The following NRL variants were observed in gnomAD, a reference collection of about 807,000 sequenced individuals.
NRL encodes neural retina leucine zipper, also known as neural retina-specific leucine zipper protein.
In NRL, 16 loss-of-function variants were observed where a neutral mutation model predicts 12.5. That is an observed-to-expected ratio of 1.28 (90% confidence interval 0.87 to 1.95). The LOEUF (loss-of-function observed/expected upper bound fraction) is 1.95. Ranked by LOEUF, NRL falls within the 30% of genes most tolerant of loss-of-function variation. NRL has a pLI of 0.00. For missense variants in NRL, 314 were observed against 325.8 expected (o/e 0.96, Z 0.28); for synonymous variants, 142 against 150.9 (o/e 0.94, Z 0.43).
Position 24,094,379 on chromosome 14 carries a change from C to A in NRL, c.-27-11504G>T. Reference sequence around the variant, plus strand: ...CTCCCCGGCTCCGCTCGGTTCCTGGCCACCCCGCAGCCCCTGCCCAGGTGC... The same window carrying A: ...CTCCCCGGCTCCGCTCGGTTCCTGGACACCCCGCAGCCCCTGCCCAGGTGC... On this transcript the variant is annotated intron_variant, in intron 1 of 2. Transcript: ENST00000561028. The surrounding 1 kb of genome is among the most constrained non-coding windows in gnomAD (Gnocchi z 4.1). The A allele has an allele frequency of 6.5e-7, 1 of 1,544,824 alleles. No homozygotes were observed.
At chr14:24,102,642 C>G in intron 1 of NRL, 1 of 882,542 alleles carries the variant, frequency 1.1e-6, no homozygotes, top group Non-Finnish European at 1.8e-6. Flanking sequence ...TTCTAGGCAG[C>G]TGATGAGGCA....
intron 2 of NRL, chr14:24,082,004 G>A: frequency 1.7e-6 from 2 of 1,202,456 alleles, no homozygotes; most frequent in Non-Finnish European, 2.1e-6. Context: ...CCTAATGCCC[G>A]CAACACCCCC....
chr14:24,098,595 T>C (rs2037008927), intron 1 of NRL: 1 of 1,614,100 alleles, frequency 6.2e-7, no homozygotes, highest in South Asian at 1.1e-5. Context: ...ATGACCCGAC[T>C]GGGGACACCT....
chr14:24,098,156 G>C, intron 1 of NRL: 1 of 1,538,846 alleles, frequency 6.5e-7, no homozygotes, highest in Non-Finnish European at 8.8e-7. Flanking sequence ...CTAGGGACAA[G>C]GGAAACCTGC....
In NRL at chr14:24,106,730, AT is replaced by A. The variant is rs202105055; in HGVS notation, c.-28+7991del. On this transcript the variant is annotated intron_variant, in intron 1 of 2. Coordinates refer to ENST00000561028, the MANE Select transcript of NRL (RefSeq NM_001354768.3). ...AGTGAGACTCTGTCTCAAAAAAAAA[AT>A]AAATAAATAAATAAATTTAAAAATT... Among the ~76,000 whole-genome samples, 413 of 138,054 alleles carry A rather than the reference AT, an allele frequency of 3.0e-3. 4 individuals are homozygous for A. The highest frequency in any genetic ancestry group is 0.011 in the African/African-American group (390 of 34,028). 90.6% of individuals were successfully genotyped at this position (138,054 alleles called of 152,430 possible).
At chr14:24,092,341 A>C (rs964650816) in intron 1 of NRL, among the ~76,000 whole-genome samples, 1 of 152,218 alleles carries the variant, frequency 6.6e-6, no homozygotes, top group African/African-American at 2.4e-5. Flanking sequence ...TGAGAAGTAC[A>C]ATTCCAAAGG....
chr14:24,108,241 T>C (rs2037368129), intron 1 of NRL, among the ~76,000 whole-genome samples: 1 of 152,222 alleles, frequency 6.6e-6, no homozygotes, highest in Non-Finnish European at 1.5e-5. Flanking sequence ...GAGTGTTCAT[T>C]GATACTGGAT....
chr14:24,100,594 A>G, intron 1 of NRL: 1 of 1,081,532 alleles, frequency 9.2e-7, no homozygotes, highest in East Asian at 6.0e-5. Flanking sequence ...ATGAAAGGAA[A>G]AGGAAGGACT....
At chr14:24,099,405 C>T (rs1343776965) in intron 1 of NRL, among the ~76,000 whole-genome samples, 2 of 152,240 alleles carry the variant, frequency 1.3e-5, no homozygotes, top group Non-Finnish European at 2.9e-5. Context: ...TGAGGTTTCC[C>T]CTGCCACTAA....
In NRL at chr14:24,085,314, C is replaced by T. The variant is rs1056311127; in HGVS notation, c.-27-2439G>A. ...TCTGGGCCTCAAGGGACATTGAAAT[C>T]TAATCACCACCAGTCCGTCGGAGAC... On this transcript the variant is annotated intron_variant, in intron 1 of 2. Coordinates refer to ENST00000561028, the MANE Select transcript of NRL (RefSeq NM_001354768.3). The surrounding 1 kb of genome is among the most constrained non-coding windows in gnomAD (Gnocchi z 4.1). Among the ~76,000 whole-genome samples, 1 of 152,196 alleles carries T rather than the reference C, an allele frequency of 6.6e-6. No homozygotes were observed. Among genetic ancestry groups the T allele is most frequent in the African/African-American group, 2.4e-5 (1 of 41,442 alleles).
At position 24,081,704 on chromosome 14, in the gene NRL, A is replaced by T; in HGVS notation, c.382-136T>A. 1 of 1,524,800 alleles carries T rather than the reference A, an allele frequency of 6.6e-7. No individual in the cohort carries two copies. Among genetic ancestry groups the T allele is most frequent in the Non-Finnish European group, 8.8e-7 (1 of 1,139,476 alleles). 94.5% of individuals were successfully genotyped at this position (1,524,800 alleles called of 1,614,324 possible). A position where few individuals can be genotyped will look rare whatever the true frequency, so the allele number is the denominator to read the frequency against. On this transcript the variant is annotated intron_variant, in intron 2 of 2. Coordinates refer to ENST00000561028, the MANE Select transcript of NRL (RefSeq NM_001354768.3). This position sits in a 1 kb window ranked among gnomAD's most constrained non-coding sequence, Gnocchi z 4.4. Reference sequence around the variant, plus strand: ...CCTTCACCGGAAGGCTCGCCCTTCCACGCAGTCTGTTTCGGTCCAGAGCCC... The same window carrying T: ...CCTTCACCGGAAGGCTCGCCCTTCCTCGCAGTCTGTTTCGGTCCAGAGCCC...
chr14:24,081,194 C>T lies in NRL; in HGVS notation c.*42G>A. The T allele has an allele frequency of 7.5e-7, 1 of 1,339,956 alleles. No homozygotes were observed. The allele number at this position is 1,339,956 out of a possible 1,614,324, so 83.0% of individuals were successfully genotyped here. A position where few individuals can be genotyped will look rare whatever the true frequency, so the allele number is the denominator to read the frequency against. On this transcript the variant is annotated 3_prime_UTR_variant, in exon 3 of 3. Coordinates refer to ENST00000561028, the MANE Select transcript of NRL (RefSeq NM_001354768.3). The surrounding 1 kb of genome is among the most constrained non-coding windows in gnomAD (Gnocchi z 4.4). ...TGCAGCCGCCTCCTGGGCGGAGCCA[C>T]CCCACCCAGCCCCCACTACACCACA...
At chr14:24,089,921 G>A (rs1006239309) in intron 1 of NRL, among the ~76,000 whole-genome samples, 1 of 152,132 alleles carries the variant, frequency 6.6e-6, no homozygotes, top group Non-Finnish European at 1.5e-5. Context: ...AAAGATCCAC[G>A]TAGCCAGAGA....
Position 24,085,503 on chromosome 14 carries a change from A to G in NRL, c.-27-2628T>C, listed in dbSNP as rs1033246669. ...ACACCTCTTAGAGCTATCATCCCTG[A>G]GTAGGAGTGGGAACAGGGATACTAG... On this transcript the variant is annotated intron_variant, in intron 1 of 2. Transcript: ENST00000561028. This position sits in a 1 kb window ranked among gnomAD's most constrained non-coding sequence, Gnocchi z 4.1. Among the ~76,000 whole-genome samples, 1 of 152,178 alleles carries G rather than the reference A, an allele frequency of 6.6e-6. No homozygotes were observed. Among genetic ancestry groups the G allele is most frequent in the African/African-American group, 2.4e-5 (1 of 41,440 alleles).
intron 1 of NRL, among the ~76,000 whole-genome samples, chr14:24,086,486 G>A (rs189137639): frequency 1.3e-5 from 2 of 152,140 alleles, no homozygotes; most frequent in Non-Finnish European, 1.5e-5. Flanking sequence ...TTTCTCAAAA[G>A]AATAAAAAAG....
At position 24,114,936 on chromosome 14, in the gene NRL, C is replaced by T. The variant is rs1357055917; in HGVS notation, c.-242G>A. 9.1e-6 allele frequency: 9 copies of T among 985,906 alleles called. No individual in the cohort carries two copies. Among genetic ancestry groups the T allele is most frequent in the African/African-American group, 3.5e-5 (2 of 57,258 alleles). The allele number at this position is 985,906 out of a possible 1,614,324, so 61.1% of individuals were successfully genotyped here. On this transcript the variant is annotated 5_prime_UTR_variant, in exon 1 of 3. Transcript: ENST00000561028. Reference sequence around the variant, plus strand: ...ACCGCTCCTGGCTGGTGGGTGGTCTCGCGTGGGGCGGTTACCGCCGGCTTC... The same window carrying T: ...ACCGCTCCTGGCTGGTGGGTGGTCTTGCGTGGGGCGGTTACCGCCGGCTTC...
intron 1 of NRL, among the ~76,000 whole-genome samples, chr14:24,107,725 A>C (rs901732479): frequency 5.3e-5 from 8 of 152,140 alleles, no homozygotes; most frequent in Non-Finnish European, 7.3e-5. Context: ...TCAGATGTTC[A>C]GTGTCTAAAT....
At chr14:24,109,062 TTTAC>T (rs2037380161) in intron 1 of NRL, among the ~76,000 whole-genome samples, 1 of 152,166 alleles carries the variant, frequency 6.6e-6, no homozygotes. Flanking sequence ...CTAGCTGACA[TTTAC>T]TTAGCAATTA....
chr14:24,114,873 C>T lies in NRL; in HGVS notation c.-179G>A. The T allele has an allele frequency of 2.0e-6, 2 of 985,932 alleles. No homozygotes were observed. Among genetic ancestry groups the T allele is most frequent in the Non-Finnish European group, 2.4e-6 (2 of 829,950 alleles). 61.1% of individuals were successfully genotyped at this position (985,932 alleles called of 1,614,324 possible). ...GGTTGGCCAACGCAGTGGCGGCAGT[C>T]GGTGTAAACAAGGCCTCGCGCCGCT... is the stretch of plus-strand genomic sequence containing the variant. On this transcript the variant is annotated 5_prime_UTR_variant, in exon 1 of 3. Transcript: ENST00000561028.
Sources: gnomAD v4.1 joint callset for allele counts (sites outside exome capture counted in the v4.1 genomes callset) on GRCh38, gnomAD v4.1.1 for gene constraint, Gnocchi (gnomAD v3.1) non-coding constraint, MANE v1.5 for transcripts, NCBI Gene and HGNC (gene_info 2026-07-23, HGNC 2026-07-21) for gene names.